The following PTPRA variants were observed in gnomAD, a reference collection of about 807,000 sequenced individuals.
PTPRA encodes the protein receptor-type tyrosine-protein phosphatase alpha.
Under a neutral mutation model 104.8 loss-of-function variants are expected in PTPRA, and 25 were observed. The ratio of observed to expected loss-of-function variants is 0.24; its 90% CI spans 0.17 to 0.33. The LOEUF (loss-of-function observed/expected upper bound fraction) is 0.33, where lower values mean the gene tolerates loss of function less well. PTPRA is among the 10% of genes least tolerant of loss of function. PTPRA has a pLI of 1.00. For synonymous variants in PTPRA, 323 were observed against 368.9 expected, an observed-to-expected ratio of 0.88 and a Z score of 1.43; for missense variants, 765 against 1,015.3, an observed-to-expected ratio of 0.75 and a Z score of 3.35.
chr20:2,910,715 T>A (rs867955642), intron 1 of PTPRA, among the ~76,000 whole-genome samples: 96 of 145,318 alleles, frequency 6.6e-4, no homozygotes, highest in African/African-American at 2.3e-3. Flanking sequence ...CACACCATTC[T>A]CCTGCCTCAG....
At chr20:3,034,217 G>A (rs1014847410) in intron 20 of PTPRA, among the ~76,000 whole-genome samples, 2 of 152,090 alleles carry the variant, frequency 1.3e-5, no homozygotes, top group African/African-American at 4.8e-5. Flanking sequence ...GCTGCAGTAA[G>A]TCAAGATCAT....
At chr20:2,865,369 G>A in the PTPRA span, 2 of 1,613,992 alleles carry the variant, frequency 1.2e-6, no homozygotes, top group African/African-American at 1.3e-5. This position sits in a 1 kb window ranked among gnomAD's most constrained non-coding sequence, Gnocchi z 5.2. Context: ...TGCCTCTCCT[G>A]CAACACCTCC....
chr20:3,017,658 T>C (rs1325109117), intron 12 of PTPRA, among the ~76,000 whole-genome samples, 158 bp from the exon 13 acceptor site: 1 of 152,190 alleles, frequency 6.6e-6, no homozygotes, highest in African/African-American at 2.4e-5. Context: ...ACATGGAAAA[T>C]ACTCAATTAG....
chr20:2,920,358 A>G (rs908826370), intron 1 of PTPRA, among the ~76,000 whole-genome samples: 1 of 152,206 alleles, frequency 6.6e-6, no homozygotes, highest in Non-Finnish European at 1.5e-5. Context: ...CTGTCTGCAC[A>G]TTGGAATCAC....
chr20:2,894,859 C>A (rs1233936376), intron 1 of PTPRA, among the ~76,000 whole-genome samples: 1 of 151,480 alleles, frequency 6.6e-6, no homozygotes, highest in Non-Finnish European at 1.5e-5. Flanking sequence ...TGGTGACGGG[C>A]GCCTGTAGTC....
chr20:3,018,063 T>C (rs1048676269), intron 13 of PTPRA, 150 bp downstream of exon 13: 3 of 681,548 alleles, frequency 4.4e-6, no homozygotes, highest in African/African-American at 1.8e-5. Flanking sequence ...TGCTATGGCC[T>C]GGAAGCCCCA....
chr20:2,919,178 C>T (rs774130567), intron 1 of PTPRA, among the ~76,000 whole-genome samples: 2 of 151,962 alleles, frequency 1.3e-5, no homozygotes, highest in African/African-American at 4.8e-5. Flanking sequence ...AAAAAGTACC[C>T]AGAAAACAGA....
intron 1 of PTPRA, among the ~76,000 whole-genome samples, chr20:2,884,303 G>A (rs1367157833): frequency 1.3e-5 from 2 of 151,946 alleles, no homozygotes; most frequent in Non-Finnish European, 2.9e-5. Context: ...TAACTTTGAG[G>A]GGCTGTCAAA....
At position 2,974,608 on chromosome 20, in the gene PTPRA, T is replaced by G. The variant is rs139854425; in HGVS notation, c.416-607T>G. 8.0e-3 allele frequency among the ~76,000 whole-genome samples: 1,212 copies of G among 152,248 alleles called. 9 individuals carry two copies. Among genetic ancestry groups the G allele is most frequent in the Middle Eastern group, 0.024 (7 of 294 alleles). On this transcript the variant is annotated intron_variant, in intron 5 of 23. Transcript: ENST00000399903. ...CGCCCAGCTAATTTGTTTTGTATTTTTAGTAGAGACGGGGTTTTACCATGT... is the reference window on the plus strand; with the variant it reads ...CGCCCAGCTAATTTGTTTTGTATTTGTAGTAGAGACGGGGTTTTACCATGT...
intron 1 of PTPRA, among the ~76,000 whole-genome samples, chr20:2,903,347 A>G (rs2059304232): frequency 6.6e-6 from 1 of 152,164 alleles, no homozygotes; most frequent in Non-Finnish European, 1.5e-5. Flanking sequence ...TGCCTAGCTT[A>G]TAGGGAACAC....
intron 2 of PTPRA, among the ~76,000 whole-genome samples, chr20:2,934,729 T>G (rs1335827554): frequency 6.8e-6 from 1 of 147,820 alleles, no homozygotes; most frequent in Non-Finnish European, 1.5e-5. Flanking sequence ...TGGAGTGCAG[T>G]GGCGCCATCT....
chr20:2,960,213 A>G (rs1397918379), intron 3 of PTPRA, among the ~76,000 whole-genome samples: 2 of 145,634 alleles, frequency 1.4e-5, no homozygotes, highest in Non-Finnish European at 3.0e-5. Flanking sequence ...CCACCTGCTT[A>G]CTCCTCTCTC....
chr20:2,996,009 C>CA (rs1568686833), intron 9 of PTPRA, among the ~76,000 whole-genome samples: 2 of 152,186 alleles, frequency 1.3e-5, no homozygotes, highest in Non-Finnish European at 2.9e-5. Context: ...AATTGGTTGT[C>CA]AGTTTCTTTC....
intron 2 of PTPRA, among the ~76,000 whole-genome samples, chr20:2,944,749 C>A (rs1405882609): frequency 6.6e-6 from 1 of 152,074 alleles, no homozygotes; most frequent in Non-Finnish European, 1.5e-5. Context: ...TGTCTTTTTT[C>A]CTTTCGAGTG....
At chr20:2,865,735 C>T in the PTPRA span, among the ~76,000 whole-genome samples, 2 of 152,178 alleles carry the variant, frequency 1.3e-5, no homozygotes, top group African/African-American at 4.8e-5. This position sits in a 1 kb window ranked among gnomAD's most constrained non-coding sequence, Gnocchi z 5.2. Context: ...CTGCTTTCCC[C>T]AGGGAGGGCC....
rs1219752868 is a variant in PTPRA, at chr20:2,910,601, T to TG, written c.-128-12606_-128-12605insG. Among the ~76,000 whole-genome samples, 176 of 122,854 alleles carry TG rather than the reference T, an allele frequency of 1.4e-3. 3 individuals carry two copies. Among genetic ancestry groups the TG allele is most frequent in the African/African-American group, 5.7e-3 (171 of 30,038 alleles). 80.6% of individuals were successfully genotyped at this position (122,854 alleles called of 152,430 possible). On this transcript the variant is annotated intron_variant, in intron 1 of 23. Transcript: ENST00000399903. ...TAGTTTTTTTTTTGTTTTTTTTTTG[T>TG]TTTTTTTAATTTTTTTTTTTTTTTT...
intron 2 of PTPRA, among the ~76,000 whole-genome samples, chr20:2,926,617 G>A (rs1048107327): frequency 6.6e-6 from 1 of 151,982 alleles, no homozygotes; most frequent in African/African-American, 2.4e-5. Context: ...AATTCAGTCT[G>A]GGTGACAGAA....
At chr20:2,913,501 A>G (rs2059794806) in intron 1 of PTPRA, among the ~76,000 whole-genome samples, 1 of 152,182 alleles carries the variant, frequency 6.6e-6, no homozygotes, top group African/African-American at 2.4e-5. Flanking sequence ...AAAATCACAC[A>G]TTGCATTTAG....
intron 16 of PTPRA, among the ~76,000 whole-genome samples, chr20:3,023,193 G>A (rs6076461): frequency 0.014 from 2,129 of 152,304 alleles, 28 homozygotes; most frequent in Non-Finnish European, 0.02. Context: ...AAAAGTCATC[G>A]CCGTTCTCCA....
Sources: gnomAD v4.1 joint callset for allele counts (sites outside exome capture counted in the v4.1 genomes callset) on GRCh38, gnomAD v4.1.1 for gene constraint, Gnocchi (gnomAD v3.1) non-coding constraint, MANE v1.5 for transcripts, NCBI Gene and HGNC (gene_info 2026-07-23, HGNC 2026-07-21) for gene names.